GLIS3: variants seen among roughly 807,000 people sequenced by gnomAD.
GLIS3 encodes the protein GLIS family zinc finger 3, also known as zinc finger protein GLIS3.
In GLIS3, 53 loss-of-function variants were observed where a neutral mutation model predicts 78.6. The ratio of observed to expected loss-of-function variants is 0.67; its 90% CI spans 0.54 to 0.85. The LOEUF (loss-of-function observed/expected upper bound fraction) is 0.85, where lower values mean the gene tolerates loss of function less well. GLIS3 is among the 40% of genes least tolerant of loss of function. The pLI is 0.00. For missense variants in GLIS3, 1,703 were observed against 1,231.1 expected (o/e 1.38, Z -5.74); for synonymous variants, 684 against 509.9 (o/e 1.34, Z -4.60).
chr9:4,359,072 C>A, the GLIS3 span, among the ~76,000 whole-genome samples: 1 of 152,244 alleles, frequency 6.6e-6, no homozygotes, highest in South Asian at 2.1e-4. Flanking sequence ...GTTCCAAGTA[C>A]CTCATTCTGG....
intron 2 of GLIS3, among the ~76,000 whole-genome samples, chr9:4,337,368 C>A (rs1054742908): frequency 1.3e-5 from 2 of 152,088 alleles, no homozygotes; most frequent in African/African-American, 2.4e-5. Flanking sequence ...AGATAGTATG[C>A]AGCTATTAAA....
intron 2 of GLIS3, among the ~76,000 whole-genome samples, chr9:4,320,655 C>T (rs924708311): frequency 2.6e-5 from 4 of 152,066 alleles, no homozygotes; most frequent in Admixed American, 6.6e-5. Flanking sequence ...CTGTTGCCAC[C>T]ATCACTACCT....
intron 2 of GLIS3, among the ~76,000 whole-genome samples, chr9:4,245,630 C>G (rs1823738290): frequency 1.3e-5 from 2 of 152,176 alleles, no homozygotes; most frequent in Admixed American, 1.3e-4. Flanking sequence ...CCTTAGACTC[C>G]AATGGCACGG....
chr9:4,433,472 T>C, the GLIS3 span, among the ~76,000 whole-genome samples: 2 of 152,238 alleles, frequency 1.3e-5, no homozygotes, highest in South Asian at 4.2e-4. Flanking sequence ...TGAGCTTTCA[T>C]AGGAGAAGTT....
At chr9:4,416,252 T>TTTTTTAA in the GLIS3 span, among the ~76,000 whole-genome samples, 1 of 75,804 alleles carries the variant, frequency 1.3e-5, no homozygotes, top group African/African-American at 5.3e-5. Context: ...ACACTGTTTT[T>TTTTTTAA]AAAAAAAAAA....
the GLIS3 span, among the ~76,000 whole-genome samples, chr9:4,487,495 G>C: frequency 1.3e-5 from 2 of 151,996 alleles, no homozygotes; most frequent in Non-Finnish European, 2.9e-5. Context: ...CTGATAAGTG[G>C]TGGTGCTGGG....
chr9:4,227,867 T>C (rs1188367584), intron 2 of GLIS3, among the ~76,000 whole-genome samples: 3 of 152,216 alleles, frequency 2.0e-5, no homozygotes, highest in Admixed American at 1.3e-4. Flanking sequence ...TCACTTCCCA[T>C]TTCCAAGTTC....
chr9:4,139,643 C>T (rs559346940), intron 2 of GLIS3, among the ~76,000 whole-genome samples: 11 of 149,728 alleles, frequency 7.3e-5, no homozygotes, highest in African/African-American at 1.5e-4. Context: ...TTTCATGGTT[C>T]GTGGTTTCAT....
intron 4 of GLIS3, among the ~76,000 whole-genome samples, chr9:3,959,822 G>A (rs1406095278): frequency 1.3e-5 from 2 of 152,202 alleles, no homozygotes; most frequent in East Asian, 3.8e-4. Context: ...TCATTAGGGT[G>A]GATCCTAATC....
At chr9:4,354,647 A>G in the GLIS3 span, among the ~76,000 whole-genome samples, 1 of 152,176 alleles carries the variant, frequency 6.6e-6, no homozygotes, top group South Asian at 2.1e-4. Flanking sequence ...GGCTTTCTCG[A>G]GCCTCTCACT....
At chr9:4,092,650 C>T (rs1829620920) in intron 4 of GLIS3, among the ~76,000 whole-genome samples, 2 of 152,142 alleles carry the variant, frequency 1.3e-5, no homozygotes, top group Non-Finnish European at 2.9e-5. Context: ...CACATCTCAT[C>T]CCACTGGAGG....
intron 2 of GLIS3, among the ~76,000 whole-genome samples, chr9:4,214,666 C>A (rs1405071207): frequency 2.0e-5 from 3 of 152,168 alleles, no homozygotes; most frequent in Non-Finnish European, 2.9e-5. Context: ...TTATCCCTGT[C>A]ATAAAGTCTC....
the GLIS3 span, among the ~76,000 whole-genome samples, chr9:4,472,577 G>A: frequency 4.2e-4 from 64 of 150,920 alleles, no homozygotes; most frequent in African/African-American, 1.5e-3. Flanking sequence ...TGGACACAGG[G>A]TGGGGAACAT....
At chr9:4,236,195 A>AT (rs1822721800) in intron 2 of GLIS3, among the ~76,000 whole-genome samples, 2 of 146,156 alleles carry the variant, frequency 1.4e-5, no homozygotes, top group African/African-American at 5.1e-5. Context: ...AAAAAAAAAA[A>AT]AAAAAAAAAA....
At chr9:3,860,495 C>T (rs764361382) in intron 8 of GLIS3, among the ~76,000 whole-genome samples, 1 of 152,024 alleles carries the variant, frequency 6.6e-6, no homozygotes, top group Non-Finnish European at 1.5e-5. Context: ...GGTGGCCCAA[C>T]AGCATTCAAA....
At chr9:4,145,689 C>G (rs901341653) in intron 2 of GLIS3, among the ~76,000 whole-genome samples, 2 of 151,950 alleles carry the variant, frequency 1.3e-5, no homozygotes, top group African/African-American at 2.4e-5. Flanking sequence ...AAACTTCCCT[C>G]TCTTTCCTCT....
the GLIS3 span, among the ~76,000 whole-genome samples, chr9:4,381,040 T>G: frequency 4.6e-4 from 70 of 152,100 alleles, no homozygotes; most frequent in South Asian, 1.7e-3. Context: ...AAATTGTTGA[T>G]GGGTAAAAAG....
chr9:4,094,933 A>G (rs1829820462), intron 4 of GLIS3, among the ~76,000 whole-genome samples: 1 of 152,184 alleles, frequency 6.6e-6, no homozygotes, highest in Non-Finnish European at 1.5e-5. Flanking sequence ...ATATTCATGG[A>G]GCACATAGTG....
At position 4,118,038 on chromosome 9, in the gene GLIS3, C is replaced by T. The variant is rs746086596; in HGVS notation, c.1440G>A (p.Leu480=). Residue 480 remains leucine, a synonymous_variant, in exon 4 of 11, where the codon CTG becomes CTA. Transcript: ENST00000381971. The surrounding 1 kb of genome is among the most constrained non-coding windows in gnomAD (Gnocchi z 4.7). Reference sequence around the variant, plus strand: ...CGTCCAGGGTGGCCTGGGGCAAGGCCAGCTGCTGGGCGTGGGGCCCGAGCT... The same window carrying T: ...CGTCCAGGGTGGCCTGGGGCAAGGCTAGCTGCTGGGCGTGGGGCCCGAGCT... The part of the protein sequence containing the change: ...HPELGPHAQQ[L]ALPQATLDDD... 4 of 1,595,618 alleles carry T rather than the reference C, an allele frequency of 2.5e-6. No homozygotes were observed. The highest frequency in any genetic ancestry group is 3.4e-6 in the Non-Finnish European group (4 of 1,170,792).
Sources: gnomAD v4.1 joint callset for allele counts (sites outside exome capture counted in the v4.1 genomes callset) on GRCh38, gnomAD v4.1.1 for gene constraint, Gnocchi (gnomAD v3.1) non-coding constraint, MANE v1.5 for transcripts, NCBI Gene and HGNC (gene_info 2026-07-23, HGNC 2026-07-21) for gene names.